ERC2: variants seen among roughly 807,000 people sequenced by gnomAD.
ERC2 encodes ERC protein 2.
ERC2 carries 42 observed loss-of-function variants against 114.8 expected under a neutral mutation model. That is an observed-to-expected ratio of 0.37 (90% CI 0.29 to 0.47). ERC2 has a LOEUF of 0.47. Ranked by LOEUF, ERC2 falls within the 20% of genes least tolerant of loss-of-function variation. The pLI is 0.99. For missense variants in ERC2, 939 were observed against 1,150.7 expected, an observed-to-expected ratio of 0.82 and a Z score of 2.66; for synonymous variants, 454 against 425.5, an observed-to-expected ratio of 1.07 and a Z score of -0.82.
At chr3:55,702,246 A>C (rs1253666012) in intron 15 of ERC2, among the ~76,000 whole-genome samples, 1 of 152,188 alleles carries the variant, frequency 6.6e-6, no homozygotes, top group East Asian at 1.9e-4. Flanking sequence ...CTGAAATATA[A>C]ATAAACCACG....
intron 3 of ERC2, among the ~76,000 whole-genome samples, chr3:56,194,920 A>G (rs1455325030): frequency 6.6e-6 from 1 of 152,202 alleles, no homozygotes; most frequent in East Asian, 1.9e-4. Context: ...TGTGTGTACA[A>G]TAGTCCTCAC....
intron 16 of ERC2, among the ~76,000 whole-genome samples, chr3:55,696,356 A>C (rs1490065218): frequency 6.6e-6 from 1 of 152,214 alleles, no homozygotes; most frequent in Non-Finnish European, 1.5e-5. Context: ...TCAAGCCTTT[A>C]AGGCCACAGG....
In ERC2 at chr3:55,710,100, G is replaced by A. The variant is rs1026412093; in HGVS notation, c.2713-10588C>T. Among the ~76,000 whole-genome samples the A allele has an allele frequency of 3.9e-5, 6 of 151,992 alleles. No individual in the cohort carries two copies. In the South Asian group the frequency reaches 1.0e-3, roughly 26 times the overall value. ...TGCCCGCTGTGCTGTCCTCCCTTTC[G>A]TCTGGATCACAACACCTTTACTAGC... On this transcript the variant is annotated intron_variant, in intron 15 of 17. Transcript: ENST00000288221.
chr3:56,045,422 G>A (rs2075406221), intron 7 of ERC2, among the ~76,000 whole-genome samples: 1 of 152,084 alleles, frequency 6.6e-6, no homozygotes, highest in African/African-American at 2.4e-5. Context: ...TACATGGCAA[G>A]ACATACCACA....
intron 14 of ERC2, among the ~76,000 whole-genome samples, chr3:55,860,943 G>A (rs139576169): frequency 5.8e-4 from 89 of 152,238 alleles, no homozygotes; most frequent in African/African-American, 2.1e-3. Context: ...GAGACTACAC[G>A]GGTTATTTCA....
chr3:56,001,303 T>C (rs2072037907), intron 10 of ERC2, among the ~76,000 whole-genome samples: 1 of 152,116 alleles, frequency 6.6e-6, no homozygotes, highest in African/African-American at 2.4e-5. Flanking sequence ...GGCTTCCATA[T>C]GGTTGCAAAT....
At chr3:55,925,445 G>A (rs2065690698) in intron 13 of ERC2, among the ~76,000 whole-genome samples, 1 of 152,116 alleles carries the variant, frequency 6.6e-6, no homozygotes, top group Non-Finnish European at 1.5e-5. Context: ...GGAGGAGGTT[G>A]CAGATTCAAG....
intron 14 of ERC2, among the ~76,000 whole-genome samples, chr3:55,810,465 C>CTTTTTTTTTTTTTTTTTT (rs11318195): frequency 2.7e-5 from 4 of 146,466 alleles, no homozygotes; most frequent in South Asian, 2.2e-4. Flanking sequence ...CTCTCTCCCT[C>CTTTTTTTTTTTTTTTTTT]TTTTTTTTTT....
chr3:56,229,095 C>T (rs2050439666), intron 3 of ERC2, among the ~76,000 whole-genome samples: 1 of 152,148 alleles, frequency 6.6e-6, no homozygotes, highest in Admixed American at 6.5e-5. Context: ...CCAACATATA[C>T]TTATTTGGCA....
chr3:55,628,011 T>C (rs893363278), intron 17 of ERC2, among the ~76,000 whole-genome samples: 2 of 151,992 alleles, frequency 1.3e-5, no homozygotes, highest in Admixed American at 6.6e-5. Flanking sequence ...AGTTTAGAAT[T>C]TTTTTCAGAA....
chr3:56,358,827 A>T (rs1310120492), intron 2 of ERC2, among the ~76,000 whole-genome samples: 3 of 152,236 alleles, frequency 2.0e-5, no homozygotes, highest in Admixed American at 2.0e-4. Flanking sequence ...AAGACGTTTA[A>T]TATACTACTT....
chr3:55,568,734 C>G (rs2056525135), intron 17 of ERC2, among the ~76,000 whole-genome samples: 1 of 152,208 alleles, frequency 6.6e-6, no homozygotes, highest in South Asian at 2.1e-4. Context: ...AAATCCCATT[C>G]AGATGAAGCC....
chr3:56,219,674 G>GA (rs35098698), intron 3 of ERC2, among the ~76,000 whole-genome samples: 91,264 of 122,958 alleles, frequency 0.74, 35,073 homozygotes, highest in South Asian at 0.88. Flanking sequence ...GCTCAAGTGC[G>GA]AAAAAAAAAA....
chr3:55,854,102 C>T (rs185164922), intron 14 of ERC2, among the ~76,000 whole-genome samples: 2 of 152,170 alleles, frequency 1.3e-5, no homozygotes, highest in Non-Finnish European at 2.9e-5. Flanking sequence ...TGGTAAAAAC[C>T]CGTCGCTACT....
chr3:55,622,864 G>A (rs1413822244), intron 17 of ERC2, among the ~76,000 whole-genome samples: 6 of 151,934 alleles, frequency 3.9e-5, no homozygotes, highest in South Asian at 4.2e-4. Flanking sequence ...CCATGCAAAC[G>A]TCAAGTTGGT....
chr3:56,302,803 G>A (rs571513558), intron 2 of ERC2, among the ~76,000 whole-genome samples: 7 of 152,306 alleles, frequency 4.6e-5, no homozygotes, highest in Non-Finnish European at 8.8e-5. Flanking sequence ...CTCAACTTCT[G>A]AAAGCTTCAG....
At chr3:55,685,509 C>T (rs1413074122) in intron 16 of ERC2, among the ~76,000 whole-genome samples, 1 of 151,972 alleles carries the variant, frequency 6.6e-6, no homozygotes, top group Non-Finnish European at 1.5e-5. Context: ...CCTCTCTGTC[C>T]CTGGAGAAAA....
chr3:56,060,817 T>C (rs1164918322), intron 7 of ERC2, among the ~76,000 whole-genome samples: 1 of 152,178 alleles, frequency 6.6e-6, no homozygotes, highest in Non-Finnish European at 1.5e-5. Flanking sequence ...TCTCCCCCTC[T>C]TCTGCCCCTG....
At chr3:55,830,261 T>A (rs972031199) in intron 14 of ERC2, among the ~76,000 whole-genome samples, 1 of 152,120 alleles carries the variant, frequency 6.6e-6, no homozygotes, top group Admixed American at 6.5e-5. Flanking sequence ...GGACTGAAGA[T>A]GAAACATGAT....
Sources: allele counts gnomAD v4.1 joint callset (sites outside exome capture counted in the v4.1 genomes callset), GRCh38; gene constraint gnomAD v4.1.1; transcripts MANE v1.5; gene names NCBI Gene and HGNC (gene_info 2026-07-23, HGNC 2026-07-21).